The following TCF7L2 variants were observed in gnomAD, a reference collection of about 807,000 sequenced individuals.
TCF7L2 encodes transcription factor 7-like 2.
In TCF7L2, 23 loss-of-function variants were observed where a neutral mutation model predicts 77.9. That is an observed-to-expected ratio of 0.30 (90% CI 0.21 to 0.42). The LOEUF is 0.42. Among genes scored for constraint, TCF7L2 ranks in the 10% least tolerant of loss-of-function variants. The pLI, the probability that TCF7L2 is intolerant of heterozygous loss-of-function variation, is 1.00. For synonymous variants in TCF7L2, 413 were observed against 340.2 expected (o/e 1.21, Z -2.36); for missense variants, 654 against 793.1 (o/e 0.82, Z 2.11).
intron 7 of TCF7L2, among the ~76,000 whole-genome samples, chr10:113,145,786 A>G (rs1452822900): frequency 4.6e-5 from 7 of 152,210 alleles, no homozygotes; most frequent in Non-Finnish European, 8.8e-5. Flanking sequence ...TATTGACATA[A>G]GCAGAGGTTA....
At chr10:113,095,463 C>A (rs1188141109) in intron 5 of TCF7L2, among the ~76,000 whole-genome samples, 1 of 152,142 alleles carries the variant, frequency 6.6e-6, no homozygotes, top group African/African-American at 2.4e-5. Context: ...AATGAGCGGA[C>A]AAATTTTCTC....
chr10:113,080,444 A>G (rs919797867), intron 5 of TCF7L2, among the ~76,000 whole-genome samples: 1 of 152,108 alleles, frequency 6.6e-6, no homozygotes, highest in African/African-American at 2.4e-5. Context: ...TTTGGAATTC[A>G]TATACTGGGG....
chr10:112,996,613 C>T (rs546270626), intron 4 of TCF7L2, among the ~76,000 whole-genome samples: 1 of 152,282 alleles, frequency 6.6e-6, no homozygotes, highest in South Asian at 2.1e-4. Context: ...GGTTGACTAC[C>T]TTCTCTCTCC....
intron 5 of TCF7L2, among the ~76,000 whole-genome samples, chr10:113,130,635 G>A (rs916201960): frequency 1.3e-5 from 2 of 152,144 alleles, no homozygotes; most frequent in African/African-American, 2.4e-5. Context: ...CCGAGCAAGA[G>A]CCTGATGACA....
intron 13 of TCF7L2, among the ~76,000 whole-genome samples, chr10:113,162,470 G>A (rs1218416018): frequency 6.6e-6 from 1 of 151,950 alleles, no homozygotes; most frequent in Non-Finnish European, 1.5e-5. Flanking sequence ...TACAGCCTGG[G>A]TGTATCTTCA....
chr10:113,017,045 T>TC (rs995856462), intron 4 of TCF7L2, among the ~76,000 whole-genome samples: 1 of 152,118 alleles, frequency 6.6e-6, no homozygotes, highest in African/African-American at 2.4e-5. Context: ...ACCAGCGATA[T>TC]CTCTTCTCCA....
At position 113,151,152 on chromosome 10, in the gene TCF7L2, T is replaced by G; in HGVS notation, c.1001+29T>G. ...AGTGTTGCTGTTTTTCTCACCTTCT[T>G]CGTAGCCGCAGTGTTCTGCAAGCCT... On this transcript the variant is annotated intron_variant, in intron 9 of 13. Transcript: ENST00000627217. This position sits in a 1 kb window ranked among gnomAD's most constrained non-coding sequence, Gnocchi z 5.2. 1.2e-6 allele frequency: 2 copies of G among 1,614,012 alleles called. No homozygotes were observed. The highest frequency in any genetic ancestry group is 1.7e-6 in the Non-Finnish European group (2 of 1,179,942).
In TCF7L2 at chr10:113,167,539, T is replaced by C. The variant is rs79963628; in HGVS notation, c.*1567T>C. Reference sequence around the variant, plus strand: ...TGTTTCCTAACAGTTGTGATGTTACTGTTCCGTTTTATGCTCTTATTCCAA... The same window carrying C: ...TGTTTCCTAACAGTTGTGATGTTACCGTTCCGTTTTATGCTCTTATTCCAA... On this transcript the variant is annotated 3_prime_UTR_variant, in exon 14 of 14. Transcript: ENST00000627217. 4.2e-5 allele frequency: 9 copies of C among 214,532 alleles called. No homozygotes were observed. The highest frequency in any genetic ancestry group is 7.5e-5 in the Non-Finnish European group (8 of 106,256). 13.3% of individuals were successfully genotyped at this position (214,532 alleles called of 1,614,324 possible). A position where few individuals can be genotyped will look rare whatever the true frequency, so the allele number is the denominator to read the frequency against.
At chr10:112,998,397 TG>T (rs1312025828) in intron 4 of TCF7L2, among the ~76,000 whole-genome samples, 1 of 152,074 alleles carries the variant, frequency 6.6e-6, no homozygotes, top group African/African-American at 2.4e-5. Flanking sequence ...GTTGCACATG[TG>T]AAAGAAAAAG....
chr10:113,161,823 A>G (rs1673713918), intron 13 of TCF7L2, among the ~76,000 whole-genome samples: 1 of 152,150 alleles, frequency 6.6e-6, no homozygotes, highest in South Asian at 2.1e-4. Flanking sequence ...CCCAGCACAC[A>G]TTAGAGGAGA....
At chr10:113,058,131 CAATCTTA>C (rs1342401023) in intron 5 of TCF7L2, among the ~76,000 whole-genome samples, 1 of 152,196 alleles carries the variant, frequency 6.6e-6, no homozygotes, top group Non-Finnish European at 1.5e-5. Flanking sequence ...ATAAATGTTA[CAATCTTA>C]CCTTTGGCCC....
intron 6 of TCF7L2, 115 bp from the exon 7 acceptor site, chr10:113,143,808 T>G: frequency 2.9e-6 from 2 of 697,578 alleles, no homozygotes; most frequent in Non-Finnish European, 4.8e-6. Context: ...ATGAACCTTG[T>G]GCTAGGATTC....
At chr10:113,121,069 G>T (rs2064688724) in intron 5 of TCF7L2, among the ~76,000 whole-genome samples, 1 of 152,120 alleles carries the variant, frequency 6.6e-6, no homozygotes, top group Non-Finnish European at 1.5e-5. Context: ...TCGCAAAATG[G>T]GGGGAAAAGG....
At chr10:113,159,617 G>C (rs1180542252) in intron 12 of TCF7L2, among the ~76,000 whole-genome samples, 1 of 151,656 alleles carries the variant, frequency 6.6e-6, no homozygotes, top group South Asian at 2.1e-4. Context: ...TTGTCAGCTC[G>C]AACCAAATCT....
intron 3 of TCF7L2, among the ~76,000 whole-genome samples, chr10:112,961,314 G>A (rs1349988538): frequency 2.1e-5 from 3 of 145,106 alleles, no homozygotes; most frequent in Non-Finnish European, 4.4e-5. Flanking sequence ...GAGCCATCGT[G>A]CCCGGCCAGA....
At chr10:112,981,330 G>A (rs2040438338) in intron 4 of TCF7L2, among the ~76,000 whole-genome samples, 1 of 151,330 alleles carries the variant, frequency 6.6e-6, no homozygotes, top group African/African-American at 2.4e-5. Flanking sequence ...AATAAAGAAA[G>A]AAAAAAAGGG....
At chr10:113,076,812 T>G (rs769588031) in intron 5 of TCF7L2, among the ~76,000 whole-genome samples, 29 of 152,226 alleles carry the variant, frequency 1.9e-4, no homozygotes, top group Non-Finnish European at 1.3e-4. Flanking sequence ...CACAGGATGT[T>G]TGATGTGAAA....
chr10:112,982,526 G>A (rs768096722), intron 4 of TCF7L2, among the ~76,000 whole-genome samples: 3 of 152,132 alleles, frequency 2.0e-5, no homozygotes, highest in East Asian at 3.8e-4. Context: ...ATATTGTGGC[G>A]CATATCTCTT....
Position 113,141,275 on chromosome 10 carries a change from A to G in TCF7L2, c.644A>G (p.Asn215Ser), listed in dbSNP as rs987834408. 1.2e-6 allele frequency: 2 copies of G among 1,614,088 alleles called. No homozygotes were observed. Among genetic ancestry groups the G allele is most frequent in the Admixed American group, 1.7e-5 (1 of 60,012 alleles). Residue 215 changes from asparagine (N) to serine (S), a missense_variant, in exon 6 of 14, where the codon AAC (asparagine) becomes AGC (serine). Asn to Ser is a conservative substitution (Grantham distance 46). This residue lies in a region of TCF7L2 where 179 missense variants were observed against 270.6 expected (regional missense o/e 0.66). Coordinates refer to ENST00000627217, the MANE Select transcript of TCF7L2 (RefSeq NM_001146274.2). ...AGCAATGAACACTTCACGCCGGGAA[A>G]CCCACCTCCACACTTACCAGCCGAC...
Sources: allele counts gnomAD v4.1 joint callset (sites outside exome capture counted in the v4.1 genomes callset), GRCh38; gene constraint gnomAD v4.1.1; regional missense constraint gnomAD v4.1.1; non-coding constraint Gnocchi (gnomAD v3.1); transcripts MANE v1.5; gene names NCBI Gene and HGNC (gene_info 2026-07-23, HGNC 2026-07-21).